Variants in TCIRG1 observed in about 807,000 individuals in gnomAD.
TCIRG1 encodes the protein T cell immune regulator 1, ATPase H+ transporting V0 subunit a3.
A neutral mutation model predicts 95.5 loss-of-function variants in TCIRG1; 86 were observed. The observed-to-expected ratio is 0.90, with a 90% confidence interval of 0.76 to 1.08. The LOEUF is 1.08. Among genes scored for constraint, TCIRG1 ranks in the 50% least tolerant of loss-of-function variants. TCIRG1 has a pLI of 0.00. For missense variants in TCIRG1, 1,069 were observed against 1,140.2 expected (o/e 0.94, Z 0.90); for synonymous variants, 499 against 501.3 (o/e 1.00, Z 0.06).
Position 68,043,389 on chromosome 11 carries a change from G to A in TCIRG1, c.522G>A (p.Val174=), listed in dbSNP as rs2134437949. 6.5e-7 allele frequency: 1 copy of A among 1,539,844 alleles called. No homozygotes were observed. Among genetic ancestry groups the A allele is most frequent in the Non-Finnish European group, 8.7e-7 (1 of 1,146,450 alleles). The change falls in exon 6 of 20, where the codon GTG becomes GTA. Residue 174 remains valine (V), a synonymous_variant. Transcript: ENST00000265686. The part of the protein sequence containing the change: ...DLRVNFVAGA[V]EPHKAPALER... ...CCGCCAGCTTTGTGGCAGGTGCCGT[G>A]GAGCCCCACAAGGCCCCTGCCCTAG...
At chr11:68,046,192 A>G (rs1202778055) in intron 10 of TCIRG1, among the ~76,000 whole-genome samples, 1 of 152,164 alleles carries the variant, frequency 6.6e-6, no homozygotes, top group African/African-American at 2.4e-5. Context: ...ACAGTCCTGG[A>G]GGCTGGAAGT....
At chr11:68,051,037 G>A (rs1855779762), downstream of TCIRG1, 1 of 612,828 alleles carries the variant, frequency 1.6e-6, no homozygotes, top group South Asian at 1.9e-5. Flanking sequence ...GGTGAAAAGG[G>A]GCAGAAAAGG....
chr11:68,049,956 C>T lies in TCIRG1; in HGVS notation c.2014-6C>T. On this transcript the variant is annotated splice_region_variant and splice_polypyrimidine_tract_variant and intron_variant, in intron 16 of 19. Transcript: ENST00000265686. Reference sequence around the variant, plus strand: ...GTGCTGCCAACACTGCCTGCTCATGCCCCAGGAGGAAAACAAGGCCGGGTT... The same window carrying T: ...GTGCTGCCAACACTGCCTGCTCATGTCCCAGGAGGAAAACAAGGCCGGGTT... 6.2e-7 allele frequency: 1 copy of T among 1,607,816 alleles called. No homozygotes were observed. Among genetic ancestry groups the T allele is most frequent in the Non-Finnish European group, 8.5e-7 (1 of 1,178,102 alleles).
At chr11:68,052,982 C>T (rs1164403540), downstream of TCIRG1, 1 of 152,568 alleles carries the variant, frequency 6.6e-6, no homozygotes, top group African/African-American at 2.4e-5. Context: ...TCCCGCAGGA[C>T]ATTTCATATA....
chr11:68,048,944 C>T lies in TCIRG1; in HGVS notation c.1620C>T (p.Ile540=), dbSNP rs567413196. The T allele has an allele frequency of 1.2e-6, 2 of 1,613,730 alleles. No individual in the cohort carries two copies. The highest frequency in any genetic ancestry group is 2.2e-5 in the East Asian group (1 of 44,888). Residue 540 remains isoleucine, a synonymous_variant, in exon 14 of 20, where the codon ATC becomes ATT. Coordinates refer to ENST00000265686, the MANE Select transcript of TCIRG1 (RefSeq NM_006019.4). ...CCTTCAAGATGAAGATGTCCGTCAT[C>T]CTGGGCGTCGTGCACATGGCCTTTG... The part of the protein sequence containing the change: ...LNSFKMKMSV[I]LGVVHMAFGV...
At chr11:68,046,393 T>A (rs1284045484) in intron 10 of TCIRG1, among the ~76,000 whole-genome samples, 1 of 152,190 alleles carries the variant, frequency 6.6e-6, no homozygotes, top group African/African-American at 2.4e-5. Context: ...TGGCTCCTTC[T>A]GAGGCTGTCC....
intron 9 of TCIRG1, 31 bp from the exon 10 acceptor site, chr11:68,044,927 C>T (rs773103422): frequency 7.5e-6 from 12 of 1,604,294 alleles, no homozygotes; most frequent in Middle Eastern, 1.6e-4. Flanking sequence ...CCCCCGCCAC[C>T]GTTCTGGTCT....
chr11:68,047,642 C>T lies in TCIRG1; in HGVS notation c.1306-5C>T, dbSNP rs373679585. On this transcript the variant is annotated splice_polypyrimidine_tract_variant and splice_region_variant and intron_variant, in intron 11 of 19. Coordinates refer to ENST00000265686, the MANE Select transcript of TCIRG1 (RefSeq NM_006019.4). ...CAGCCCCTCACCACACCACTGCCCC[C>T]CCAGATCTGGCAGACTTTCTTCAGG... The T allele has an allele frequency of 2.0e-5, 33 of 1,613,350 alleles. No homozygotes were observed. The African/African-American group carries it at 3.3e-4, about 16-fold the overall frequency.
intron 1 of TCIRG1, 127 bp from the exon 2 acceptor site, chr11:68,041,141 C>T (rs541941412): frequency 3.3e-5 from 25 of 753,336 alleles, no homozygotes; most frequent in African/African-American, 2.4e-4. Flanking sequence ...CCTCAGTTTC[C>T]ACCTCTGTCA....
chr11:68,044,076 G>A, intron 8 of TCIRG1, 56 bp from the exon 9 acceptor site: 7 of 1,494,830 alleles, frequency 4.7e-6, no homozygotes, highest in South Asian at 1.2e-5. Flanking sequence ...GGGTGCCCCC[G>A]GCCCAGCCAC....
intron 10 of TCIRG1, among the ~76,000 whole-genome samples, chr11:68,046,291 CTG>C (rs1480444107): frequency 6.6e-6 from 1 of 152,094 alleles, no homozygotes; most frequent in African/African-American, 2.4e-5. Flanking sequence ...AGGAGGATCT[CTG>C]GAGTCCAGGA....
Position 68,049,745 on chromosome 11 carries a change from A to C in TCIRG1, c.1970A>C (p.His657Pro). The change falls in exon 16 of 20, where the codon CAC (histidine) becomes CCC (proline). Residue 657 changes from histidine to proline, a missense_variant. Coordinates refer to ENST00000265686, the MANE Select transcript of TCIRG1 (RefSeq NM_006019.4). Reference protein sequence around the residue: ...LLLGTPLHLLHRHRRRLRRRP... With the variant: ...LLLGTPLHLLPRHRRRLRRRP... ...CTTGGCACACCCCTGCACCTGCTGC[A>C]CCGCCACCGCCGCCGCCTGCGGAGG... 6.3e-7 allele frequency: 1 copy of C among 1,578,768 alleles called. No homozygotes were observed. Among genetic ancestry groups the C allele is most frequent in the Non-Finnish European group, 8.6e-7 (1 of 1,168,688 alleles).
chr11:68,049,472 G>A, intron 15 of TCIRG1, 178 bp downstream of exon 15: 1 of 992,072 alleles, frequency 1.0e-6, no homozygotes, highest in South Asian at 1.6e-5. Flanking sequence ...AACTGGCACT[G>A]GGAACCGGGG....
chr11:68,043,233 TCCTGCCTTCC>T, intron 5 of TCIRG1, 128 bp from the exon 6 acceptor site: 2 of 1,474,802 alleles, frequency 1.4e-6, no homozygotes, highest in Non-Finnish European at 1.8e-6. Flanking sequence ...CCGGGAGGCC[TCCTGCCTTCC>T]CCTGTGGGCA....
chr11:68,043,611 G>T lies in TCIRG1; in HGVS notation c.671G>T (p.Trp224Leu). The T allele has an allele frequency of 6.2e-7, 1 of 1,611,586 alleles. No individual in the cohort carries two copies. Among genetic ancestry groups the T allele is most frequent in the East Asian group, 2.2e-5 (1 of 44,838 alleles). Residue 224 changes from tryptophan (W) to leucine (L), a missense_variant, in exon 7 of 20, where the codon TGG becomes TTG. Coordinates refer to ENST00000265686, the MANE Select transcript of TCIRG1 (RefSeq NM_006019.4). Reference sequence around the variant, plus strand: ...TGGATGACCTTCCTCATCTCCTACTGGGGTGAGCAGATCGGACAGAAGATC... The same window carrying T: ...TGGATGACCTTCCTCATCTCCTACTTGGGTGAGCAGATCGGACAGAAGATC... Reference protein sequence around the residue: ...ATWMTFLISYWGEQIGQKIRK... With the variant: ...ATWMTFLISYLGEQIGQKIRK...
rs1310995421 is a variant in TCIRG1 at position 68,042,877 on chromosome 11, C to A, written c.417+14C>A. 1.3e-6 allele frequency: 2 copies of A among 1,550,034 alleles called. No individual in the cohort carries two copies. The highest frequency in any genetic ancestry group is 8.7e-7 in the Non-Finnish European group (1 of 1,146,756). ...CATGAACCTCAGGTCAGCTCCCACC[C>A]AGGCAGGAGACTGGGGGGCTGGGGA... On this transcript the variant is annotated intron_variant, in intron 4 of 19. Coordinates refer to ENST00000265686, the MANE Select transcript of TCIRG1 (RefSeq NM_006019.4).
In TCIRG1 at chr11:68,041,373, C is replaced by T. The variant is rs1300998364; in HGVS notation, c.102C>T (p.Leu34=). The change falls in exon 2 of 20, where the codon CTC becomes CTT. Residue 34 remains leucine, a synonymous_variant. Transcript: ENST00000265686. Reference sequence around the variant, plus strand: ...TGAGTCGGCTGGGCGAGCTGGGCCTCGTGGAGTTCAGAGACGTGAGTTGGG... The same window carrying T: ...TGAGTCGGCTGGGCGAGCTGGGCCTTGTGGAGTTCAGAGACGTGAGTTGGG... The part of the protein sequence containing the change: ...TCVSRLGELG[L]VEFRDLNASV... The T allele has an allele frequency of 3.1e-6, 5 of 1,612,350 alleles. No homozygotes were observed. The highest frequency in any genetic ancestry group is 4.5e-5 in the East Asian group (2 of 44,866).
rs182676936 is a variant in TCIRG1, at chr11:68,043,115, C to A, written c.503+84C>A. 642 of 1,546,300 alleles carry A rather than the reference C, an allele frequency of 4.2e-4. 4 individuals carry two copies. In the African/African-American group the frequency reaches 7.9e-3, roughly 19 times the overall value. On this transcript the variant is annotated intron_variant, in intron 5 of 19. Coordinates refer to ENST00000265686, the MANE Select transcript of TCIRG1 (RefSeq NM_006019.4). ...TGGGCTGGGCCAGGCTGAGCTCCGA[C>A]TCCTTGTCCAGTGCTCTCCCCAGGC...
chr11:68,045,578 G>A (rs1011484485), intron 10 of TCIRG1, among the ~76,000 whole-genome samples: 22 of 150,558 alleles, frequency 1.5e-4, no homozygotes, highest in African/African-American at 5.4e-4. Flanking sequence ...TTTTGAGATA[G>A]AGTCTTGCTC....
Sources: gnomAD v4.1 joint callset for allele counts (sites outside exome capture counted in the v4.1 genomes callset) on GRCh38, gnomAD v4.1.1 for gene constraint, MANE v1.5 for transcripts, NCBI Gene and HGNC (gene_info 2026-07-23, HGNC 2026-07-21) for gene names.